The following LPIN2 variants were observed in gnomAD, a reference collection of about 807,000 sequenced individuals.
The protein encoded by LPIN2 is phosphatidate phosphatase LPIN2.
In LPIN2, 55 loss-of-function variants were observed where a neutral mutation model predicts 111.4. That is an observed-to-expected ratio of 0.49 (90% CI 0.40 to 0.62). The LOEUF (loss-of-function observed/expected upper bound fraction) is 0.62, where lower values mean the gene tolerates loss of function less well. LPIN2 is among the 20% of genes least tolerant of loss of function. LPIN2 has a pLI of 0.00. For missense variants in LPIN2, 992 were observed against 1,112.1 expected (o/e 0.89, Z 1.54); for synonymous variants, 425 against 414.0 (o/e 1.03, Z -0.32).
At chr18:2,947,356 C>T (rs1298247284) in intron 4 of LPIN2, among the ~76,000 whole-genome samples, 1 of 152,208 alleles carries the variant, frequency 6.6e-6, no homozygotes, top group African/African-American at 2.4e-5. Flanking sequence ...TTTAATCTCT[C>T]TCTCACACAA....
intron 1 of LPIN2, among the ~76,000 whole-genome samples, chr18:2,971,400 C>G (rs1030819284): frequency 6.6e-6 from 1 of 152,130 alleles, no homozygotes; most frequent in African/African-American, 2.4e-5. Flanking sequence ...AAGATGGGAT[C>G]TGTTGCTGTG....
At chr18:2,928,958 GATGAC>G in intron 10 of LPIN2, 102 bp downstream of exon 10, 1 of 798,422 alleles carries the variant, frequency 1.3e-6, no homozygotes, top group Non-Finnish European at 2.2e-6. Context: ...ATTTATATGA[GATGAC>G]AAGTTTTATA....
Position 3,011,450 on chromosome 18 carries a change from C to CG in LPIN2, c.-10+1636dup, listed in dbSNP as rs1398020365. Among the ~76,000 whole-genome samples, 6 of 148,760 alleles carry CG rather than the reference C, an allele frequency of 4.0e-5. No homozygotes were observed. The East Asian group carries it at 1.4e-3, about 35-fold the overall frequency. On this transcript the variant is annotated intron_variant, in intron 1 of 19. Transcript: ENST00000677752. ...CTGTAATCCCAGCTCTTTGGGAGGC[C>CG]GAGGGGGGCGGATCACCTGAGGTCG...
chr18:2,998,112 A>G (rs1329820464), intron 1 of LPIN2, among the ~76,000 whole-genome samples: 1 of 152,178 alleles, frequency 6.6e-6, no homozygotes, highest in Non-Finnish European at 1.5e-5. Context: ...CTGGGACCAC[A>G]ATGGAATCTT....
intron 1 of LPIN2, chr18:2,985,016 AC>A (rs1183926544): frequency 6.6e-6 from 1 of 152,388 alleles, no homozygotes; most frequent in Non-Finnish European, 1.5e-5. Context: ...CAGGTGGGGC[AC>A]CCAAGCCAGT....
chr18:2,987,821 T>C (rs2078208379), intron 1 of LPIN2, among the ~76,000 whole-genome samples: 1 of 151,860 alleles, frequency 6.6e-6, no homozygotes, highest in Admixed American at 6.6e-5. Context: ...GGTGGATCAC[T>C]TGAGGTCAGG....
intron 1 of LPIN2, chr18:2,990,692 T>C (rs1053015549): frequency 1.0e-5 from 3 of 289,408 alleles, no homozygotes; most frequent in Non-Finnish European, 2.1e-5. Flanking sequence ...TCTCCATTTA[T>C]GAGAAAGACA....
intron 7 of LPIN2, among the ~76,000 whole-genome samples, chr18:2,935,401 A>C (rs1346855421): frequency 6.6e-6 from 1 of 152,190 alleles, no homozygotes; most frequent in Non-Finnish European, 1.5e-5. Flanking sequence ...CAAAAAAACA[A>C]TCAGACAAAT....
At position 2,931,435 on chromosome 18, in the gene LPIN2, T is replaced by A; in HGVS notation, c.1277A>T (p.Glu426Val). Residue 426 changes from glutamate to valine, a missense_variant, in exon 9 of 20, where the codon GAG becomes GTG. This residue lies in a region of LPIN2 where 709 missense variants were observed against 753.2 expected (regional missense o/e 0.94). Transcript: ENST00000677752. ...CTCGGGCCACTGCCTGGAACCGGGC[T>A]CCGATTCACTGTGGACAGGGGATGG... is the stretch of plus-strand genomic sequence containing the variant. ...AALYFPKSES[E>V]PGSRQWPESD... 1 of 1,587,144 alleles carries A rather than the reference T, an allele frequency of 6.3e-7. No individual in the cohort carries two copies. Among genetic ancestry groups the A allele is most frequent in the Non-Finnish European group, 8.6e-7 (1 of 1,166,522 alleles).
At chr18:2,962,027 C>A (rs1250133182) in intron 1 of LPIN2, among the ~76,000 whole-genome samples, 1 of 152,176 alleles carries the variant, frequency 6.6e-6, no homozygotes, top group Non-Finnish European at 1.5e-5. Context: ...CCAAGTGAGT[C>A]CAAAACTGAA....
chr18:2,925,923 T>C lies in LPIN2; in HGVS notation c.1794-555A>G, dbSNP rs1598524329. Among the ~76,000 whole-genome samples the C allele has an allele frequency of 6.6e-6, 1 of 152,114 alleles. No homozygotes were observed. Among genetic ancestry groups the C allele is most frequent in the Non-Finnish European group, 1.5e-5 (1 of 68,010 alleles). On this transcript the variant is annotated intron_variant, in intron 13 of 19. Coordinates refer to ENST00000677752, the MANE Select transcript of LPIN2 (RefSeq NM_001375808.2). The surrounding 1 kb of genome is among the most constrained non-coding windows in gnomAD (Gnocchi z 4.1). ...TGGGAGGCTGAGGCAGGAGGACTGC[T>C]TGAGCCCAGGAGTTTGAGACCAGCC...
chr18:2,934,243 G>C (rs1040117641), intron 8 of LPIN2, 108 bp downstream of exon 8: 1 of 819,950 alleles, frequency 1.2e-6, no homozygotes, highest in Non-Finnish European at 2.0e-6. Flanking sequence ...ATCAGATTTA[G>C]CTAAAGGACA....
intron 1 of LPIN2, among the ~76,000 whole-genome samples, chr18:3,012,345 G>A (rs934213429): frequency 2.0e-5 from 3 of 152,346 alleles, no homozygotes; most frequent in Admixed American, 1.3e-4. Context: ...CCTAAAAAAT[G>A]TCATCTTGAA....
Position 2,926,720 on chromosome 18 carries a change from C to A in LPIN2, c.1793+3G>T, listed in dbSNP as rs759445450. Reference sequence around the variant, plus strand: ...TGAGCCGGGCAGAGGACAGGGCACCCACCTGGCACCGGCCGGCTCCTTGGA... The same window carrying A: ...TGAGCCGGGCAGAGGACAGGGCACCAACCTGGCACCGGCCGGCTCCTTGGA... On this transcript the variant is annotated splice_donor_region_variant and intron_variant, in intron 13 of 19. Coordinates refer to ENST00000677752, the MANE Select transcript of LPIN2 (RefSeq NM_001375808.2). 1.5e-5 allele frequency: 24 copies of A among 1,611,836 alleles called. No individual in the cohort carries two copies. The highest frequency in any genetic ancestry group is 2.0e-5 in the Non-Finnish European group (24 of 1,179,880).
intron 4 of LPIN2, among the ~76,000 whole-genome samples, chr18:2,943,429 CGTGTGT>C (rs145740705): frequency 0.035 from 4,994 of 142,180 alleles, 151 homozygotes; most frequent in African/African-American, 0.084. Flanking sequence ...ATAAAAGCTG[CGTGTGT>C]GTGTGTGTGT....
chr18:2,939,467 T>TAAAC lies in LPIN2; in HGVS notation c.822+9_822+12dup, dbSNP rs1361992390. 1.2e-6 allele frequency: 2 copies of TAAAC among 1,613,372 alleles called. No homozygotes were observed. Among genetic ancestry groups the TAAAC allele is most frequent in the Non-Finnish European group, 1.7e-6 (2 of 1,179,476 alleles). ...CATTAACACACTTTCCACAGGCAAG[T>TAAAC]AAACCCTAGTACCTTGGTGGACTCT... On this transcript the variant is annotated intron_variant, in intron 6 of 19. Transcript: ENST00000677752.
chr18:2,935,528 A>G (rs573049967), intron 7 of LPIN2, among the ~76,000 whole-genome samples: 28 of 152,188 alleles, frequency 1.8e-4, no homozygotes, highest in Non-Finnish European at 3.7e-4. Context: ...CTAAAATAAA[A>G]AAGATTACAA....
At chr18:2,943,372 GAAGT>G (rs367963283) in intron 4 of LPIN2, among the ~76,000 whole-genome samples, 1 of 151,924 alleles carries the variant, frequency 6.6e-6, no homozygotes, top group African/African-American at 2.4e-5. Flanking sequence ...GGCTCCTTAA[GAAGT>G]AAGAAAGGAA....
intron 1 of LPIN2, among the ~76,000 whole-genome samples, chr18:3,010,202 T>A (rs1241922844): frequency 6.6e-6 from 1 of 152,126 alleles, no homozygotes. Flanking sequence ...AGTGTGTTAC[T>A]AAAATGAAGA....
Sources: gnomAD v4.1 joint callset for allele counts (sites outside exome capture counted in the v4.1 genomes callset) on GRCh38, gnomAD v4.1.1 for gene constraint, gnomAD v4.1.1 regional missense constraint, Gnocchi (gnomAD v3.1) non-coding constraint, MANE v1.5 for transcripts, NCBI Gene and HGNC (gene_info 2026-07-23, HGNC 2026-07-21) for gene names.